The following RBFOX1 variants were observed in gnomAD, a reference collection of about 807,000 sequenced individuals.
The protein encoded by RBFOX1 is RNA binding protein fox-1 homolog 1.
Under a neutral mutation model 57.7 loss-of-function variants are expected in RBFOX1, and 8 were observed. The observed-to-expected ratio is 0.14, with a 90% CI of 0.08 to 0.25. The LOEUF is 0.25. Among genes scored for constraint, RBFOX1 ranks in the 10% least tolerant of loss-of-function variants. RBFOX1 has a pLI of 1.00. For synonymous variants in RBFOX1, 326 were observed against 222.4 expected (o/e 1.47, Z -4.15); for missense variants, 611 against 548.5 (o/e 1.11, Z -1.14).
intron 1 of RBFOX1, among the ~76,000 whole-genome samples, chr16:5,356,582 C>T (rs866197255): frequency 1.3e-5 from 2 of 152,168 alleles, no homozygotes; most frequent in Non-Finnish European, 2.9e-5. Context: ...GTGTCCCTAG[C>T]TTCTGGAATG....
intron 15 of RBFOX1, 64 bp from the exon 16 acceptor site, chr16:7,710,559 T>C: frequency 6.2e-7 from 1 of 1,601,904 alleles, no homozygotes; most frequent in Non-Finnish European, 8.5e-7. Flanking sequence ...TTAGTCTTTT[T>C]GATGATCCAC....
intron 3 of RBFOX1, among the ~76,000 whole-genome samples, chr16:5,752,346 G>A (rs929818989): frequency 6.6e-6 from 1 of 152,142 alleles, no homozygotes; most frequent in African/African-American, 2.4e-5. Flanking sequence ...TTCATACCTG[G>A]GTGATGAAAT....
chr16:6,258,366 T>C (rs1292380024), intron 1 of RBFOX1, among the ~76,000 whole-genome samples: 1 of 152,230 alleles, frequency 6.6e-6, no homozygotes, highest in Non-Finnish European at 1.5e-5. Flanking sequence ...TATCATTTAC[T>C]CAAGTTCATT....
At chr16:5,321,331 T>G (rs1275941563) in intron 1 of RBFOX1, among the ~76,000 whole-genome samples, 1 of 152,064 alleles carries the variant, frequency 6.6e-6, no homozygotes, top group African/African-American at 2.4e-5. Flanking sequence ...CTTTTGTTTT[T>G]TTTTTTGAGA....
At chr16:6,538,537 C>T (rs895507346) in intron 2 of RBFOX1, among the ~76,000 whole-genome samples, 1 of 152,120 alleles carries the variant, frequency 6.6e-6, no homozygotes, top group African/African-American at 2.4e-5. Context: ...GAGGAGACAT[C>T]ATGCCACACC....
intron 2 of RBFOX1, among the ~76,000 whole-genome samples, chr16:5,503,877 C>T (rs1194201608): frequency 6.6e-6 from 1 of 152,242 alleles, no homozygotes; most frequent in Non-Finnish European, 1.5e-5. Context: ...CCTCCCAGCC[C>T]CTGGCAAACA....
At chr16:7,660,180 G>A (rs7190618) in intron 12 of RBFOX1, among the ~76,000 whole-genome samples, 141,364 of 152,170 alleles carry the variant, frequency 0.93, 65,995 homozygotes, top group Non-Finnish European at 0.98. Context: ...CTGTAGTGCA[G>A]TCACTCCCTG....
At chr16:6,032,517 T>C (rs2095305467) in intron 1 of RBFOX1, among the ~76,000 whole-genome samples, 1 of 152,208 alleles carries the variant, frequency 6.6e-6, no homozygotes, top group African/African-American at 2.4e-5. Context: ...CGTAATTTGG[T>C]GGAGCCTACT....
intron 4 of RBFOX1, among the ~76,000 whole-genome samples, chr16:7,283,908 G>T (rs889800024): frequency 1.3e-5 from 2 of 152,188 alleles, no homozygotes; most frequent in Admixed American, 6.5e-5. Flanking sequence ...GAGCATATTC[G>T]TCATTCCAAA....
chr16:6,128,050 A>T (rs904196332), intron 1 of RBFOX1, among the ~76,000 whole-genome samples: 4 of 152,148 alleles, frequency 2.6e-5, no homozygotes, highest in Non-Finnish European at 4.4e-5. Flanking sequence ...GGCACATGTG[A>T]CTTCTCAGTA....
intron 4 of RBFOX1, among the ~76,000 whole-genome samples, chr16:5,955,938 G>C (rs185852435): frequency 2.6e-5 from 4 of 152,260 alleles, no homozygotes; most frequent in African/African-American, 9.6e-5. Flanking sequence ...ATGTTGGTGA[G>C]GATATTTGTA....
chr16:5,763,763 T>G (rs1323622285), intron 3 of RBFOX1, among the ~76,000 whole-genome samples: 1 of 152,142 alleles, frequency 6.6e-6, no homozygotes, highest in Non-Finnish European at 1.5e-5. Context: ...GCCCCAGAGA[T>G]TCACAGAGCT....
chr16:7,562,353 A>G (rs1349056442), intron 5 of RBFOX1, among the ~76,000 whole-genome samples: 4 of 152,098 alleles, frequency 2.6e-5, no homozygotes, highest in Admixed American at 1.3e-4. Flanking sequence ...CTGGCTCTTG[A>G]AAGAGCCTGA....
chr16:6,537,000 G>A (rs569991532), intron 2 of RBFOX1, among the ~76,000 whole-genome samples: 4 of 152,100 alleles, frequency 2.6e-5, no homozygotes, highest in African/African-American at 9.7e-5. Context: ...CTTTTCTGGG[G>A]AAAGAAACCA....
intron 5 of RBFOX1, among the ~76,000 whole-genome samples, chr16:7,573,157 G>C (rs370314370): frequency 9.9e-5 from 15 of 152,190 alleles, no homozygotes; most frequent in Middle Eastern, 6.8e-3. Flanking sequence ...AGATTGTATC[G>C]GCAAGAGGGC....
intron 4 of RBFOX1, among the ~76,000 whole-genome samples, chr16:5,937,621 G>T (rs1363860388): frequency 6.7e-6 from 1 of 149,976 alleles, no homozygotes. Context: ...GCTACATATA[G>T]AACTTTATAA....
At chr16:6,514,648 C>T (rs1275643708) in intron 2 of RBFOX1, among the ~76,000 whole-genome samples, 1 of 152,116 alleles carries the variant, frequency 6.6e-6, no homozygotes, top group East Asian at 1.9e-4. Context: ...TGTGTCTCAT[C>T]CATCTCTAAC....
intron 4 of RBFOX1, among the ~76,000 whole-genome samples, chr16:5,886,539 C>T (rs2057904033): frequency 6.6e-6 from 1 of 152,210 alleles, no homozygotes. Context: ...AACATTTGGT[C>T]TTCTTATGTG....
At chr16:5,510,229 C>T (rs747663117) in intron 2 of RBFOX1, among the ~76,000 whole-genome samples, 2 of 152,222 alleles carry the variant, frequency 1.3e-5, no homozygotes, top group Non-Finnish European at 2.9e-5. Flanking sequence ...CATCCCAGAC[C>T]TCAGTGGCTT....
Sources: gnomAD v4.1 joint callset for allele counts (sites outside exome capture counted in the v4.1 genomes callset) on GRCh38, gnomAD v4.1.1 for gene constraint, MANE v1.5 for transcripts, NCBI Gene and HGNC (gene_info 2026-07-23, HGNC 2026-07-21) for gene names.